ITPR2: variants seen among roughly 807,000 people sequenced by gnomAD.
ITPR2 encodes the protein inositol 1,4,5-trisphosphate receptor type 2, also known as inositol 1,4,5-trisphosphate-gated calcium channel ITPR2.
ITPR2 carries 207 observed loss-of-function variants against 317.1 expected under a neutral mutation model. That is an observed-to-expected ratio of 0.65 (90% CI 0.58 to 0.73). The LOEUF (loss-of-function observed/expected upper bound fraction) is 0.73. Among genes scored for constraint, ITPR2 ranks in the 30% least tolerant of loss-of-function variants. The probability of loss-of-function intolerance (pLI) is 0.00; values close to 1 mark genes in which losing one functional copy is unlikely to be tolerated. For missense variants in ITPR2, 2,613 were observed against 3,284.0 expected (o/e 0.80, Z 4.99); for synonymous variants, 1,156 against 1,149.1 (o/e 1.01, Z -0.12).
intron 55 of ITPR2, among the ~76,000 whole-genome samples, chr12:26,362,954 AG>A (rs1207217575): frequency 6.6e-6 from 1 of 152,212 alleles, no homozygotes; most frequent in Non-Finnish European, 1.5e-5. Context: ...AGACACAGGA[AG>A]AAAAACTAAG....
chr12:26,597,755 A>G (rs1056839591), intron 30 of ITPR2, among the ~76,000 whole-genome samples: 2 of 152,188 alleles, frequency 1.3e-5, no homozygotes, highest in Non-Finnish European at 2.9e-5. Context: ...TGTTTATATA[A>G]TTTTAGTAGA....
At chr12:26,808,130 T>G (rs1396292629) in intron 1 of ITPR2, among the ~76,000 whole-genome samples, 1 of 152,154 alleles carries the variant, frequency 6.6e-6, no homozygotes, top group African/African-American at 2.4e-5. Context: ...TTCACCACCA[T>G]GGCTGGGAAA....
chr12:26,562,046 A>G, intron 34 of ITPR2, 94 bp from the exon 35 acceptor site: 1 of 857,914 alleles, frequency 1.2e-6, no homozygotes, highest in Non-Finnish European at 1.6e-6. Context: ...AAGAAAAAAT[A>G]TTAAATCTTT....
At chr12:26,736,986 C>T (rs1949131159) in intron 2 of ITPR2, among the ~76,000 whole-genome samples, 1 of 152,178 alleles carries the variant, frequency 6.6e-6, no homozygotes, top group South Asian at 2.1e-4. Flanking sequence ...TTGGCATAAT[C>T]CCACTTTGTG....
chr12:26,716,380 C>T (rs374897703), intron 5 of ITPR2, 138 bp from the exon 6 acceptor site: 19 of 589,010 alleles, frequency 3.2e-5, no homozygotes, highest in East Asian at 2.6e-4. Context: ...AATTTTCATA[C>T]AATCCTTTTT....
chr12:26,599,487 A>C, intron 29 of ITPR2, 142 bp from the exon 30 acceptor site: 4 of 718,290 alleles, frequency 5.6e-6, no homozygotes, highest in Non-Finnish European at 6.9e-6. Flanking sequence ...TCTTTCAAAA[A>C]ATGCGATGAG....
intron 52 of ITPR2, among the ~76,000 whole-genome samples, chr12:26,407,342 G>A (rs1940386851): frequency 6.6e-6 from 1 of 152,074 alleles, no homozygotes; most frequent in Admixed American, 6.6e-5. Context: ...AATATTTTGG[G>A]CTAGATGATT....
chr12:26,689,653 C>G (rs1948197220), intron 10 of ITPR2, among the ~76,000 whole-genome samples: 1 of 152,138 alleles, frequency 6.6e-6, no homozygotes, highest in African/African-American at 2.4e-5. Context: ...ACTAAAGCCA[C>G]ACTGCTGTCC....
intron 8 of ITPR2, among the ~76,000 whole-genome samples, chr12:26,711,548 C>A (rs1279198397): frequency 6.6e-6 from 1 of 152,140 alleles, no homozygotes; most frequent in Non-Finnish European, 1.5e-5. Flanking sequence ...AGTGGAAATA[C>A]TGAGATTTTC....
At chr12:26,654,160 G>C (rs755748101) in intron 20 of ITPR2, 34 bp from the exon 21 acceptor site, 2 of 1,505,660 alleles carry the variant, frequency 1.3e-6, no homozygotes, top group Non-Finnish European at 1.8e-6. Context: ...GAGGGGGAGG[G>C]TGAAAGAGTG....
intron 37 of ITPR2, among the ~76,000 whole-genome samples, chr12:26,516,266 GGAAAGGAAGGGAAGGGAAGGGAAA>G (rs1565574503): frequency 2.1e-5 from 1 of 46,934 alleles, no homozygotes; most frequent in African/African-American, 6.6e-5. Flanking sequence ...GGAAAGGAAA[GGAAAGGAAGGGAAGGGAAGGGAAA>G]GGAAAGGAAA....
At chr12:26,479,516 C>G (rs570509160) in intron 43 of ITPR2, among the ~76,000 whole-genome samples, 2 of 152,146 alleles carry the variant, frequency 1.3e-5, no homozygotes, top group Admixed American at 1.3e-4. Context: ...AAGATCAAGA[C>G]CTCTCTATGT....
At chr12:26,343,295 T>C (rs975439483) in intron 55 of ITPR2, among the ~76,000 whole-genome samples, 6 of 152,002 alleles carry the variant, frequency 3.9e-5, no homozygotes. Flanking sequence ...GGACAGAAAA[T>C]AGAATAACAA....
At chr12:26,467,907 G>T (rs1281346122) in intron 45 of ITPR2, among the ~76,000 whole-genome samples, 1 of 151,920 alleles carries the variant, frequency 6.6e-6, no homozygotes, top group Non-Finnish European at 1.5e-5. Flanking sequence ...TAATACCCAG[G>T]CATTTTTTTC....
chr12:26,655,899 A>T, intron 19 of ITPR2, 47 bp from the exon 20 acceptor site: 1 of 1,543,820 alleles, frequency 6.5e-7, no homozygotes, highest in East Asian at 2.3e-5. Context: ...GATTGCAATC[A>T]TTTAAAAATA....
intron 52 of ITPR2, among the ~76,000 whole-genome samples, chr12:26,407,721 AT>A (rs1565509675): frequency 6.6e-6 from 1 of 152,196 alleles, no homozygotes. Context: ...TTTGAAATCT[AT>A]GTTGATATAC....
intron 55 of ITPR2, among the ~76,000 whole-genome samples, chr12:26,359,802 G>A (rs943679288): frequency 2.6e-5 from 4 of 151,990 alleles, no homozygotes; most frequent in Admixed American, 1.3e-4. Context: ...AGCACATGGC[G>A]TCACCCGGAT....
At chr12:26,585,419 C>T (rs749417146) in intron 32 of ITPR2, among the ~76,000 whole-genome samples, 22 of 152,072 alleles carry the variant, frequency 1.4e-4, no homozygotes, top group Non-Finnish European at 2.9e-4. Context: ...ATCGTATTAT[C>T]ATAAAAGTAC....
At chr12:26,370,881 G>A (rs1246701491) in intron 55 of ITPR2, among the ~76,000 whole-genome samples, 2 of 152,262 alleles carry the variant, frequency 1.3e-5, no homozygotes, top group East Asian at 3.9e-4. Context: ...CACCATGTTA[G>A]CTAAGCTGGT....
Sources: allele counts gnomAD v4.1 joint callset (sites outside exome capture counted in the v4.1 genomes callset), GRCh38; gene constraint gnomAD v4.1.1; transcripts MANE v1.5; gene names NCBI Gene and HGNC (gene_info 2026-07-23, HGNC 2026-07-21).